The following PCDHGB2 variants were observed in gnomAD, a reference collection of about 807,000 sequenced individuals.
The protein encoded by PCDHGB2 is protocadherin gamma subfamily B, 2, also known as protocadherin gamma-B2.
In PCDHGB2, 55 loss-of-function variants were observed where a neutral mutation model predicts 59.3. That is an observed-to-expected ratio of 0.93 (90% CI 0.75 to 1.16). PCDHGB2 has a LOEUF of 1.16. PCDHGB2 is among the 50% of genes most tolerant of loss of function. The pLI, the probability that PCDHGB2 is intolerant of heterozygous loss-of-function variation, is 0.00. For synonymous variants in PCDHGB2, 516 were observed against 512.0 expected (o/e 1.01, Z -0.11); for missense variants, 1,228 against 1,198.5 (o/e 1.02, Z -0.36).
chr5:141,454,857 G>C (rs1365819097), intron 1 of PCDHGB2, among the ~76,000 whole-genome samples: 2 of 131,566 alleles, frequency 1.5e-5, no homozygotes, highest in African/African-American at 6.0e-5. Context: ...ACCCAGGCTG[G>C]AGTGCAGTGG....
chr5:141,409,912 C>T (rs775668669), intron 1 of PCDHGB2: 5 of 1,613,180 alleles, frequency 3.1e-6, no homozygotes, highest in Non-Finnish European at 2.5e-6. Context: ...TGGGTCCTGA[C>T]GGCTCCGCGT....
intron 1 of PCDHGB2, chr5:141,413,563 A>G: frequency 6.2e-7 from 1 of 1,613,918 alleles, no homozygotes; most frequent in Non-Finnish European, 8.5e-7. Context: ...AGTAACTGAT[A>G]TCAATGACAA....
At position 141,360,868 on chromosome 5, in the gene PCDHGB2, G is replaced by A. The variant is rs1389190862; in HGVS notation, c.733G>A (p.Asp245Asn). 6.2e-7 allele frequency: 1 copy of A among 1,614,012 alleles called. No homozygotes were observed. Among genetic ancestry groups the A allele is most frequent in the Non-Finnish European group, 8.5e-7 (1 of 1,179,908 alleles). ...ANDNPPVFSQ[D>N]VYRVTLREDV... Reference sequence around the variant, plus strand: ...CGATAACCCTCCAGTGTTCAGCCAGGACGTGTACAGGGTCACCCTGAGGGA... The same window carrying A: ...CGATAACCCTCCAGTGTTCAGCCAGAACGTGTACAGGGTCACCCTGAGGGA... The change falls in exon 1 of 4, where the codon GAC (aspartate) becomes AAC (asparagine). Residue 245 changes from aspartate to asparagine, a missense_variant. This residue lies in a region of PCDHGB2 where 781 missense variants were observed against 721.6 expected (regional missense o/e 1.08). Coordinates refer to ENST00000522605, the MANE Select transcript of PCDHGB2 (RefSeq NM_018923.3).
rs778538278 is a variant in PCDHGB2 at position 141,371,482 on chromosome 5, G to A, written c.2421+8926G>A. The A allele has an allele frequency of 1.4e-5, 22 of 1,613,812 alleles. No individual in the cohort carries two copies. The African/African-American group carries it at 2.8e-4, about 21-fold the overall frequency. Reference sequence around the variant, plus strand: ...CATATACAAGAAGATGCTGAGCTGGGGACTGCCGTTGCCCTGATCAAAACA... The same window carrying A: ...CATATACAAGAAGATGCTGAGCTGGAGACTGCCGTTGCCCTGATCAAAACA... On this transcript the variant is annotated intron_variant, in intron 1 of 3. Coordinates refer to ENST00000522605, the MANE Select transcript of PCDHGB2 (RefSeq NM_018923.3).
intron 1 of PCDHGB2, chr5:141,423,653 G>A: frequency 6.3e-7 from 1 of 1,578,174 alleles, no homozygotes. Context: ...GACCCGACAA[G>A]TAATCAGGTG....
chr5:141,454,644 G>T (rs183290309), intron 1 of PCDHGB2, among the ~76,000 whole-genome samples: 2 of 151,892 alleles, frequency 1.3e-5, no homozygotes, highest in South Asian at 2.1e-4. Flanking sequence ...AACCTCAGGT[G>T]ATCTGCCCAC....
chr5:141,452,701 G>A (rs2098747163), intron 1 of PCDHGB2, among the ~76,000 whole-genome samples: 1 of 151,838 alleles, frequency 6.6e-6, no homozygotes, highest in Non-Finnish European at 1.5e-5. Context: ...TGTCAAGAAA[G>A]AAAGGAAGGA....
chr5:141,462,051 G>A (rs1370612703), intron 1 of PCDHGB2, among the ~76,000 whole-genome samples: 2 of 152,068 alleles, frequency 1.3e-5, no homozygotes, highest in African/African-American at 4.8e-5. Context: ...TTGAACTCCC[G>A]ACCTCAGGTG....
intron 1 of PCDHGB2, chr5:141,375,626 T>C (rs1370159999): frequency 6.2e-7 from 1 of 1,614,202 alleles, no homozygotes; most frequent in South Asian, 1.1e-5. Context: ...TGGGATTCTG[T>C]ACGCCCTGCG....
Position 141,364,882 on chromosome 5 carries a change from C to G in PCDHGB2, c.2421+2326C>G, listed in dbSNP as rs199576947. 1.6e-3 allele frequency: 2,598 copies of G among 1,613,962 alleles called. 5 individuals carry two copies. The highest frequency in any genetic ancestry group is 2.6e-3 in the South Asian group (236 of 91,080). Reference sequence around the variant, plus strand: ...TGCACTTCTCTCTGGATGTGGTAAGCGGAACTGATGGACAAAAGTATCCGG... The same window carrying G: ...TGCACTTCTCTCTGGATGTGGTAAGGGGAACTGATGGACAAAAGTATCCGG... On this transcript the variant is annotated intron_variant, in intron 1 of 3. Transcript: ENST00000522605.
chr5:141,370,832 T>C, intron 1 of PCDHGB2: 1 of 1,614,018 alleles, frequency 6.2e-7, no homozygotes. Flanking sequence ...GCGAACTGGC[T>C]CTCACTGGAG....
At chr5:141,374,852 G>C in intron 1 of PCDHGB2, 1 of 1,613,798 alleles carries the variant, frequency 6.2e-7, no homozygotes, top group Middle Eastern at 1.6e-4. Context: ...AAACCTGCCA[G>C]TAGGCACACC....
intron 1 of PCDHGB2, chr5:141,398,645 C>T (rs932721053): frequency 6.2e-7 from 1 of 1,613,936 alleles, no homozygotes; most frequent in African/African-American, 1.3e-5. Flanking sequence ...TATAAACTCT[C>T]TCTTAACCCA....
intron 1 of PCDHGB2, chr5:141,410,320 C>A (rs752279818): frequency 6.2e-7 from 1 of 1,613,998 alleles, no homozygotes; most frequent in Non-Finnish European, 8.5e-7. Context: ...TCCTCCTCGC[C>A]GTGATTCTGG....
Position 141,379,889 on chromosome 5 carries a change from C to CTTTTTTTTTTTTTTTTTTTTTTTTTTT in PCDHGB2, c.2421+17337_2421+17363dup, listed in dbSNP as rs70988800. Among the ~76,000 whole-genome samples the CTTTTTTTTTTTTTTTTTTTTTTTTTTT allele has an allele frequency of 2.4e-4, 12 of 50,832 alleles. 1 individual carries two copies. The highest frequency in any genetic ancestry group is 4.0e-4 in the African/African-American group (6 of 15,086). 33.3% of individuals were successfully genotyped at this position (50,832 alleles called of 152,430 possible). A position where few individuals can be genotyped will look rare whatever the true frequency, so the allele number is the denominator to read the frequency against. On this transcript the variant is annotated intron_variant, in intron 1 of 3. Coordinates refer to ENST00000522605, the MANE Select transcript of PCDHGB2 (RefSeq NM_018923.3). ...CTTATTTTATGGTCTGTGAAAGCCT[C>CTTTTTTTTTTTTTTTTTTTTTTTTTTT]TTTTTTTTTTTTTTTTTTTTTTTTT...
chr5:141,466,415 C>T (rs995296505), intron 1 of PCDHGB2, among the ~76,000 whole-genome samples: 6 of 152,136 alleles, frequency 3.9e-5, no homozygotes, highest in Non-Finnish European at 8.8e-5. Context: ...ATTTTTCAGT[C>T]AGAATTGTGT....
intron 2 of PCDHGB2, among the ~76,000 whole-genome samples, chr5:141,499,689 CTT>C (rs545067566): frequency 7.5e-5 from 9 of 119,852 alleles, no homozygotes; most frequent in African/African-American, 9.3e-5. Flanking sequence ...TAACAGATGA[CTT>C]TTTTTTTTTT....
Position 141,490,271 on chromosome 5 carries a change from A to G in PCDHGB2, c.2422-4536A>G, listed in dbSNP as rs750463186. 6.8e-6 allele frequency: 11 copies of G among 1,614,246 alleles called. No homozygotes were observed. Among genetic ancestry groups the G allele is most frequent in the Non-Finnish European group, 8.5e-6 (10 of 1,180,054 alleles). On this transcript the variant is annotated intron_variant, in intron 1 of 3. Coordinates refer to ENST00000522605, the MANE Select transcript of PCDHGB2 (RefSeq NM_018923.3). The surrounding 1 kb of genome is among the most constrained non-coding windows in gnomAD (Gnocchi z 5.4). The stretch of plus-strand genomic sequence containing the variant: ...ATTCAAGTGGATGTGGGGGATGTCA[A>G]TGACAATGCCCCAGAGGTGCTATTG...
intron 1 of PCDHGB2, chr5:141,366,095 A>T: frequency 1.2e-6 from 2 of 1,614,228 alleles, no homozygotes; most frequent in African/African-American, 1.3e-5. Context: ...CTACCTGGTG[A>T]CCAAGGTGGT....
Sources: gnomAD v4.1 joint callset for allele counts (sites outside exome capture counted in the v4.1 genomes callset) on GRCh38, gnomAD v4.1.1 for gene constraint, gnomAD v4.1.1 regional missense constraint, Gnocchi (gnomAD v3.1) non-coding constraint, MANE v1.5 for transcripts, NCBI Gene and HGNC (gene_info 2026-07-23, HGNC 2026-07-21) for gene names.